ANKH: variants seen among roughly 807,000 people sequenced by gnomAD.
ANKH encodes the protein ANKH inorganic pyrophosphate transport regulator.
A neutral mutation model predicts 49.0 loss-of-function variants in ANKH; 15 were observed. That is an observed-to-expected ratio of 0.31 (90% CI 0.20 to 0.47). The LOEUF (loss-of-function observed/expected upper bound fraction) is 0.47, where lower values mean the gene tolerates loss of function less well. Among genes scored for constraint, ANKH ranks in the 20% least tolerant of loss-of-function variants. The pLI is 1.00. For missense variants in ANKH, 429 were observed against 652.0 expected, an observed-to-expected ratio of 0.66 and a Z score of 3.72; for synonymous variants, 273 against 260.0, an observed-to-expected ratio of 1.05 and a Z score of -0.48.
intron 1 of ANKH, chr5:14,826,137 A>G (rs1372037316): frequency 6.5e-6 from 1 of 153,208 alleles, no homozygotes; most frequent in African/African-American, 2.4e-5. Flanking sequence ...TCTCTAAGCA[A>G]ATAAGTTAAA....
intron 1 of ANKH, chr5:14,869,860 T>C (rs1357459511): frequency 6.6e-6 from 1 of 152,174 alleles, no homozygotes; most frequent in Admixed American, 6.5e-5. Flanking sequence ...CTGACAACCT[T>C]TGGGGCAGCT....
At chr5:14,781,627 CT>C (rs1739808866) in intron 1 of ANKH, among the ~76,000 whole-genome samples, 1 of 152,208 alleles carries the variant, frequency 6.6e-6, no homozygotes, top group African/African-American at 2.4e-5. Flanking sequence ...ATAAGACCCT[CT>C]TTGAATTCTC....
At chr5:14,828,878 T>C (rs1741423607) in intron 1 of ANKH, among the ~76,000 whole-genome samples, 1 of 152,166 alleles carries the variant, frequency 6.6e-6, no homozygotes, top group African/African-American at 2.4e-5. Context: ...ATTTCTTACA[T>C]GGTAACATTC....
chr5:14,781,793 C>T (rs542999392), intron 1 of ANKH, among the ~76,000 whole-genome samples: 46 of 152,192 alleles, frequency 3.0e-4, no homozygotes, highest in African/African-American at 1.1e-3. Flanking sequence ...GCTTATTCCC[C>T]ACCTCAATCT....
intron 1 of ANKH, among the ~76,000 whole-genome samples, chr5:14,785,574 T>C (rs1739948563): frequency 6.6e-6 from 1 of 152,178 alleles, no homozygotes; most frequent in African/African-American, 2.4e-5. Flanking sequence ...ACCTCACCTC[T>C]TCTCATTATA....
chr5:14,761,763 CTTT>C (rs35602674), intron 2 of ANKH, among the ~76,000 whole-genome samples: 16 of 146,398 alleles, frequency 1.1e-4, no homozygotes, highest in Admixed American at 1.3e-4. Flanking sequence ...CCCCTTTTGC[CTTT>C]TTTTTTTTTT....
chr5:14,762,276 CAT>C (rs1739112184), intron 2 of ANKH, among the ~76,000 whole-genome samples: 1 of 152,108 alleles, frequency 6.6e-6, no homozygotes, highest in Non-Finnish European at 1.5e-5. Context: ...CTGGGGTAAA[CAT>C]GTAATATTTA....
intron 1 of ANKH, among the ~76,000 whole-genome samples, chr5:14,812,761 TAC>T (rs1386244382): frequency 6.6e-6 from 1 of 152,206 alleles, no homozygotes; most frequent in African/African-American, 2.4e-5. Context: ...AAGTCTTCCT[TAC>T]AGTTTTAGTA....
At chr5:14,817,423 A>G (rs80318259) in intron 1 of ANKH, among the ~76,000 whole-genome samples, 1,763 of 152,354 alleles carry the variant, frequency 0.012, 33 homozygotes, top group African/African-American at 0.041. Flanking sequence ...GGTGAATTTA[A>G]GAAGGAATAT....
In ANKH at chr5:14,770,562, T is replaced by C. The variant is rs1376868808; in HGVS notation, c.97-1371A>G. ...TATAATAAAAGTTTTATCAATGTGG[T>C]CTTTCTCTCAAAATATCTTACTGTA... is the stretch of plus-strand genomic sequence containing the variant. On this transcript the variant is annotated intron_variant, in intron 1 of 11. Transcript: ENST00000284268. This position sits in a 1 kb window ranked among gnomAD's most constrained non-coding sequence, Gnocchi z 4.1. 6.6e-6 allele frequency among the ~76,000 whole-genome samples: 1 copy of C among 152,228 alleles called. No individual in the cohort carries two copies. The highest frequency in any genetic ancestry group is 2.4e-5 in the African/African-American group (1 of 41,456).
At chr5:14,821,953 A>C (rs559138509) in intron 1 of ANKH, among the ~76,000 whole-genome samples, 4 of 152,350 alleles carry the variant, frequency 2.6e-5, no homozygotes, top group African/African-American at 9.6e-5. Flanking sequence ...TGTGCAAATA[A>C]ACATCAGAAG....
intron 6 of ANKH, among the ~76,000 whole-genome samples, chr5:14,746,290 C>CA (rs764345700): frequency 1.4e-5 from 2 of 144,376 alleles, no homozygotes; most frequent in Non-Finnish European, 3.0e-5. Context: ...GCCAAGATTC[C>CA]TTTTTTTTTT....
chr5:14,834,406 G>A (rs1164991485), intron 1 of ANKH, among the ~76,000 whole-genome samples: 1 of 152,182 alleles, frequency 6.6e-6, no homozygotes, highest in African/African-American at 2.4e-5. Context: ...AAGACTACAG[G>A]AGAAAGGACA....
chr5:14,743,970 A>T (rs1055592019), intron 7 of ANKH, among the ~76,000 whole-genome samples: 6 of 152,344 alleles, frequency 3.9e-5, no homozygotes, highest in African/African-American at 1.4e-4. Flanking sequence ...GGAGGTTCTA[A>T]CACTTCAGCA....
At chr5:14,850,903 G>C (rs1224635279) in intron 1 of ANKH, among the ~76,000 whole-genome samples, 1 of 151,984 alleles carries the variant, frequency 6.6e-6, no homozygotes, top group Non-Finnish European at 1.5e-5. Flanking sequence ...TAGATTAGAA[G>C]AAAGTCTTGC....
chr5:14,748,414 A>G (rs1738607349), intron 6 of ANKH, among the ~76,000 whole-genome samples: 1 of 152,238 alleles, frequency 6.6e-6, no homozygotes, highest in Admixed American at 6.5e-5. Flanking sequence ...GTGCCTGGAC[A>G]GGGGGCCCTC....
intron 1 of ANKH, among the ~76,000 whole-genome samples, chr5:14,789,903 T>G (rs1364512638): frequency 6.6e-6 from 1 of 152,140 alleles, no homozygotes; most frequent in Non-Finnish European, 1.5e-5. Context: ...AGAGATTGGG[T>G]TTCACCATGT....
At chr5:14,858,518 T>C (rs556242424) in intron 1 of ANKH, among the ~76,000 whole-genome samples, 123 of 152,160 alleles carry the variant, frequency 8.1e-4, no homozygotes, top group African/African-American at 2.6e-3. Context: ...GAGTTTGAGA[T>C]AAGCCTGGCC....
intron 1 of ANKH, among the ~76,000 whole-genome samples, chr5:14,799,539 AAGC>A (rs1389840488): frequency 1.3e-5 from 2 of 152,210 alleles, no homozygotes; most frequent in Non-Finnish European, 2.9e-5. Flanking sequence ...TGGCGAACTT[AAGC>A]TGACGCCAAT....
Sources: gnomAD v4.1 joint callset for allele counts (sites outside exome capture counted in the v4.1 genomes callset) on GRCh38, gnomAD v4.1.1 for gene constraint, Gnocchi (gnomAD v3.1) non-coding constraint, MANE v1.5 for transcripts, NCBI Gene and HGNC (gene_info 2026-07-23, HGNC 2026-07-21) for gene names.